Variants in TMEM255A observed in about 807,000 individuals in gnomAD.
TMEM255A encodes the protein family with sequence similarity 70, member A.
A neutral mutation model predicts 23.5 loss-of-function variants in TMEM255A; 14 were observed. That is an observed-to-expected ratio of 0.60 (90% CI 0.39 to 0.93). The LOEUF (loss-of-function observed/expected upper bound fraction) is 0.93, where lower values mean the gene tolerates loss of function less well. Ranked by LOEUF, TMEM255A falls within the 40% of genes least tolerant of loss-of-function variation. The pLI is 0.00. For missense variants in TMEM255A, 233 were observed against 261.7 expected, an observed-to-expected ratio of 0.89 and a Z score of 0.76; for synonymous variants, 104 against 100.3, an observed-to-expected ratio of 1.04 and a Z score of -0.22.
chrX:120,300,465 G>A (rs1450469857), intron 2 of TMEM255A, among the ~76,000 whole-genome samples: 2 of 109,336 alleles, frequency 1.8e-5, no homozygotes, highest in African/African-American at 3.3e-5. Context: ...TCAGCTCACT[G>A]CAACTTCCAT....
chrX:120,285,233 T>C lies in TMEM255A; in HGVS notation c.424-18A>G. On this transcript the variant is annotated intron_variant, in intron 5 of 8. Transcript: ENST00000371369. ...CAGTTAACCTGACGGTATATAACAG[T>C]GAGGAGATGAGCTGGCATTGGATAG... is the stretch of plus-strand genomic sequence containing the variant. 8.6e-7 allele frequency: 1 copy of C among 1,161,584 alleles called. No homozygotes were observed. Among genetic ancestry groups the C allele is most frequent in the Admixed American group, 2.2e-5 (1 of 45,927 alleles).
intron 7 of TMEM255A, among the ~76,000 whole-genome samples, chrX:120,270,840 G>C (rs2057754240): frequency 9.0e-6 from 1 of 111,065 alleles, no homozygotes; most frequent in Non-Finnish European, 1.9e-5. Context: ...TACTCAGGGA[G>C]AGGCACATCA....
chrX:120,259,954 G>A lies in TMEM255A; in HGVS notation c.*916C>T, dbSNP rs969384209. On this transcript the variant is annotated 3_prime_UTR_variant, in exon 9 of 9. Transcript: ENST00000371369. ...TTGGGGTGGGGTGCAGGATACGTGC[G>A]GATTGCTGGGGTTAAGCACAATATT... The A allele has an allele frequency of 2.7e-4, 42 of 152,782 alleles. No homozygotes were observed. The highest frequency in any genetic ancestry group is 1.3e-3 in the African/African-American group (41 of 31,330). The allele number at this position is 152,782 out of a possible 1,213,427, so 12.6% of individuals were successfully genotyped here.
chrX:120,306,012 G>A (rs1261825617), intron 1 of TMEM255A, among the ~76,000 whole-genome samples: 5 of 111,612 alleles, frequency 4.5e-5, no homozygotes, highest in African/African-American at 6.5e-5. Flanking sequence ...ACTATTTTTC[G>A]TTGAAATGTA....
chrX:120,296,661 T>G (rs1269487373), intron 2 of TMEM255A, among the ~76,000 whole-genome samples: 1 of 64,543 alleles, frequency 1.5e-5, no homozygotes, highest in Non-Finnish European at 2.6e-5. Context: ...ATATATATTA[T>G]AATATAATAT....
chrX:120,271,144 G>A (rs1458159699), intron 7 of TMEM255A, among the ~76,000 whole-genome samples: 2 of 111,598 alleles, frequency 1.8e-5, no homozygotes, highest in Admixed American at 1.9e-4. Context: ...TGTCAAAGAA[G>A]CTCCCAACAG....
chrX:120,275,917 C>A (rs1556019671), intron 7 of TMEM255A, among the ~76,000 whole-genome samples: 1 of 107,166 alleles, frequency 9.3e-6, no homozygotes, highest in East Asian at 2.9e-4. Flanking sequence ...TTCAGCCTCC[C>A]AAGTAGCTGG....
downstream of TMEM255A, chrX:120,253,911 A>G (rs145961211): frequency 3.1e-5 from 37 of 1,209,387 alleles, no homozygotes; most frequent in East Asian, 3.0e-4. Context: ...TATAATGCCT[A>G]TTATAACAGA....
At chrX:120,255,234 A>G (rs1439673568), downstream of TMEM255A, 8 of 1,210,342 alleles carry the variant, frequency 6.6e-6, no homozygotes, top group Non-Finnish European at 8.9e-6. Context: ...ATCAAGCACT[A>G]TTCCTGCAAT....
At chrX:120,285,280 G>T in intron 5 of TMEM255A, 65 bp from the exon 6 acceptor site, 1 of 932,846 alleles carries the variant, frequency 1.1e-6, no homozygotes. Flanking sequence ...CTCTGGGATT[G>T]GAAATGCGAG....
chrX:120,271,851 A>AAGAT (rs2057763527), intron 7 of TMEM255A, among the ~76,000 whole-genome samples: 1 of 112,115 alleles, frequency 8.9e-6, no homozygotes, highest in South Asian at 3.7e-4. Flanking sequence ...AACAAAAGAA[A>AAGAT]AGATAGATAA....
downstream of TMEM255A, chrX:120,256,656 T>G (rs1186435885): frequency 1.6e-5 from 2 of 123,143 alleles, no homozygotes; most frequent in Admixed American, 1.9e-4. Flanking sequence ...TGACACATAT[T>G]TAAACACTTA....
rs782521218 is a variant in TMEM255A at position 120,304,394 on chromosome X, G to A, written c.156C>T (p.Thr52=). 1.9e-5 allele frequency: 23 copies of A among 1,209,142 alleles called. No individual in the cohort carries two copies. Among genetic ancestry groups the A allele is most frequent in the Non-Finnish European group, 2.6e-5 (23 of 894,663 alleles). ...LILTVGLAAT[T]RTQNVTVGGY... ...CTCCTACAGTCACATTCTGGGTCCTGGTGGTTGCAGCAAGGCCCACTGTGA... is the reference window on the plus strand; with the variant it reads ...CTCCTACAGTCACATTCTGGGTCCTAGTGGTTGCAGCAAGGCCCACTGTGA... Residue 52 remains threonine, a synonymous_variant, in exon 2 of 9, where the codon ACC becomes ACT. Coordinates refer to ENST00000371369, the MANE Select transcript of TMEM255A (RefSeq NM_001104544.3).
chrX:120,254,309 T>C (rs781874304), downstream of TMEM255A: 3 of 1,211,930 alleles, frequency 2.5e-6, no homozygotes, highest in South Asian at 3.5e-5. Flanking sequence ...GTTCTTCACT[T>C]CCAAATCATA....
rs2057674838 is a variant in TMEM255A at position 120,260,959 on chromosome X, G to C, written c.889C>G (p.Pro297Ala). 1 of 1,197,197 alleles carries C rather than the reference G, an allele frequency of 8.4e-7. No homozygotes were observed. The highest frequency in any genetic ancestry group is 1.1e-6 in the Non-Finnish European group (1 of 891,155). ...SDEPQSASPS[P>A]SYMWSSSAPP... ...GCACTTGAGGACCACATGTAGCTGG[G>C]TGAGGGAGAGGCAGACTGGGGCTCA... Residue 297 changes from proline (P) to alanine (A), a missense_variant, in exon 9 of 9, where the codon CCC becomes GCC. Coordinates refer to ENST00000371369, the MANE Select transcript of TMEM255A (RefSeq NM_001104544.3).
chrX:120,285,890 C>A (rs970257652), intron 5 of TMEM255A: 17 of 1,186,578 alleles, frequency 1.4e-5, no homozygotes, highest in Middle Eastern at 2.3e-4. Flanking sequence ...CATTTACCAT[C>A]TCTTGTTAGC....
intron 4 of TMEM255A, among the ~76,000 whole-genome samples, chrX:120,289,258 A>G (rs2057897768): frequency 8.9e-6 from 1 of 111,968 alleles, no homozygotes; most frequent in Non-Finnish European, 1.9e-5. Flanking sequence ...TTAAATATTC[A>G]TCCAGTCGTA....
chrX:120,302,850 C>G (rs2058041657), intron 2 of TMEM255A, among the ~76,000 whole-genome samples: 1 of 110,910 alleles, frequency 9.0e-6, no homozygotes, highest in South Asian at 3.8e-4. Flanking sequence ...TCTGGCTTGT[C>G]CAAGGCATCA....
chrX:120,283,028 G>A (rs2057847677), intron 6 of TMEM255A, among the ~76,000 whole-genome samples: 1 of 110,587 alleles, frequency 9.0e-6, no homozygotes, highest in Admixed American at 9.6e-5. Context: ...GGAGGAGGGA[G>A]AGAAGAGGGA....
Sources: allele counts gnomAD v4.1 joint callset (sites outside exome capture counted in the v4.1 genomes callset), GRCh38; gene constraint gnomAD v4.1.1; transcripts MANE v1.5; gene names NCBI Gene and HGNC (gene_info 2026-07-23, HGNC 2026-07-21).